Variants in ACOXL observed in about 807,000 individuals in gnomAD.
The protein encoded by ACOXL is acyl-coenzyme A oxidase-like protein.
In ACOXL, 70 loss-of-function variants were observed where a neutral mutation model predicts 71.9. That is an observed-to-expected ratio of 0.97 (90% confidence interval 0.80 to 1.19). The LOEUF (loss-of-function observed/expected upper bound fraction) is 1.19, where lower values mean the gene tolerates loss of function less well. Ranked by LOEUF, ACOXL falls within the 50% of genes most tolerant of loss-of-function variation. The pLI, the probability that ACOXL is intolerant of heterozygous loss-of-function variation, is 0.00. For synonymous variants in ACOXL, 253 were observed against 281.6 expected, an observed-to-expected ratio of 0.90 and a Z score of 1.02; for missense variants, 703 against 736.3, an observed-to-expected ratio of 0.95 and a Z score of 0.52.
intron 16 of ACOXL, among the ~76,000 whole-genome samples, chr2:111,053,139 A>T (rs2066375939): frequency 6.6e-6 from 1 of 152,226 alleles, no homozygotes; most frequent in African/African-American, 2.4e-5. Context: ...AGACCCTTCC[A>T]GCATCACACT....
At chr2:110,838,548 T>C (rs1690739517) in intron 9 of ACOXL, among the ~76,000 whole-genome samples, 1 of 152,162 alleles carries the variant, frequency 6.6e-6, no homozygotes, top group Non-Finnish European at 1.5e-5. Context: ...TTTGCTATGG[T>C]ACAGAAACCC....
intron 12 of ACOXL, among the ~76,000 whole-genome samples, chr2:110,955,132 T>C (rs1472214766): frequency 6.6e-6 from 1 of 152,222 alleles, no homozygotes; most frequent in African/African-American, 2.4e-5. Context: ...AGTACGTGGA[T>C]TTGTGTCACT....
At chr2:110,804,274 AC>A (rs1390808494) in intron 8 of ACOXL, among the ~76,000 whole-genome samples, 2 of 152,174 alleles carry the variant, frequency 1.3e-5, no homozygotes, top group Non-Finnish European at 2.9e-5. Flanking sequence ...GGCATAAGTC[AC>A]CATGCCCAAC....
chr2:110,950,591 C>A (rs545027381), intron 12 of ACOXL, among the ~76,000 whole-genome samples: 1 of 152,288 alleles, frequency 6.6e-6, no homozygotes, highest in African/African-American at 2.4e-5. Context: ...TCATTTTACT[C>A]TCCCTTGGGC....
chr2:110,973,816 C>T (rs2062323912), intron 12 of ACOXL, among the ~76,000 whole-genome samples: 1 of 152,188 alleles, frequency 6.6e-6, no homozygotes, highest in African/African-American at 2.4e-5. Flanking sequence ...AGAGCGACTA[C>T]AGTAATAGCA....
intron 2 of ACOXL, among the ~76,000 whole-genome samples, chr2:110,772,101 A>C (rs767190926): frequency 9.9e-5 from 15 of 152,210 alleles, no homozygotes; most frequent in Non-Finnish European, 2.1e-4. Flanking sequence ...AACATCCCTC[A>C]TGGCATTCCC....
intron 11 of ACOXL, among the ~76,000 whole-genome samples, chr2:110,926,112 G>A (rs904358872): frequency 1.3e-5 from 2 of 151,920 alleles, no homozygotes; most frequent in Non-Finnish European, 2.9e-5. Context: ...GCCCCAAAAC[G>A]ATTACAATAG....
chr2:110,898,940 C>T lies in ACOXL; in HGVS notation c.789-9849C>T, dbSNP rs535416347. On this transcript the variant is annotated intron_variant, in intron 10 of 17. Transcript: ENST00000439055. ...AAAAATCAATTATATTTGTATATACCGGTGATGAACATAAGGGTATCAGAA... is the reference window on the plus strand; with the variant it reads ...AAAAATCAATTATATTTGTATATACTGGTGATGAACATAAGGGTATCAGAA... Among the ~76,000 whole-genome samples the T allele has an allele frequency of 1.1e-4, 17 of 151,918 alleles. No individual in the cohort carries two copies. The East Asian group carries it at 1.4e-3, about 12-fold the overall frequency.
At chr2:110,818,407 A>ACC (rs1483695357) in intron 9 of ACOXL, among the ~76,000 whole-genome samples, 10 of 144,616 alleles carry the variant, frequency 6.9e-5, no homozygotes, top group African/African-American at 2.7e-4. Context: ...AAAAAAAAAA[A>ACC]AACATATATA....
At chr2:110,773,584 C>G (rs947337597) in intron 2 of ACOXL, among the ~76,000 whole-genome samples, 1 of 152,192 alleles carries the variant, frequency 6.6e-6, no homozygotes, top group African/African-American at 2.4e-5. Context: ...GGCTCCTGAC[C>G]GACGGACAGA....
intron 10 of ACOXL, among the ~76,000 whole-genome samples, chr2:110,900,759 G>A (rs1178773891): frequency 5.3e-5 from 8 of 152,200 alleles, no homozygotes; most frequent in Non-Finnish European, 7.4e-5. Context: ...GAACCATAGC[G>A]TGATGGGTTA....
chr2:110,952,012 G>A (rs893397628), intron 12 of ACOXL, among the ~76,000 whole-genome samples: 4 of 152,120 alleles, frequency 2.6e-5, no homozygotes, highest in African/African-American at 9.7e-5. Context: ...ACTTGAGGGT[G>A]TTTCTTATTT....
At chr2:110,797,750 A>G (rs535975537) in intron 5 of ACOXL, among the ~76,000 whole-genome samples, 9 of 152,206 alleles carry the variant, frequency 5.9e-5, no homozygotes, top group Non-Finnish European at 1.3e-4. Context: ...AAGGGCCCAG[A>G]TCGTTGGATA....
In ACOXL at chr2:110,922,076, A is replaced by AT. The variant is rs1183959032; in HGVS notation, c.906-11412dup. Among the ~76,000 whole-genome samples, 8 of 152,350 alleles carry AT rather than the reference A, an allele frequency of 5.3e-5. No homozygotes were observed. The South Asian group carries it at 1.2e-3, about 24-fold the overall frequency. On this transcript the variant is annotated intron_variant, in intron 11 of 17. Transcript: ENST00000439055. ...GCTAATTGTGATCTGCAGATCATAT[A>AT]TATCATTATTGGTTTTCTGCTTACG...
chr2:111,105,776 A>G (rs1558974432), intron 17 of ACOXL, among the ~76,000 whole-genome samples: 1 of 152,150 alleles, frequency 6.6e-6, no homozygotes, highest in Non-Finnish European at 1.5e-5. Context: ...CATATAGACA[A>G]ACATGTTATC....
chr2:110,927,350 C>T (rs1295289072), intron 11 of ACOXL, among the ~76,000 whole-genome samples: 2 of 152,172 alleles, frequency 1.3e-5, no homozygotes, highest in Non-Finnish European at 2.9e-5. Context: ...ATGGGTCAAG[C>T]TCAAGCTCCC....
At chr2:110,740,498 C>T (rs1335104341) in intron 1 of ACOXL, among the ~76,000 whole-genome samples, 6 of 152,238 alleles carry the variant, frequency 3.9e-5, no homozygotes. Context: ...TTGGCATTCT[C>T]TTCTCCCCAT....
At chr2:110,968,180 A>G in intron 12 of ACOXL, 1 of 1,162,072 alleles carries the variant, frequency 8.6e-7, no homozygotes, top group South Asian at 1.2e-5. Flanking sequence ...TTTGGCACAG[A>G]CAACATCTAT....
chr2:110,973,065 C>A lies in ACOXL; in HGVS notation c.1060-14043C>A, dbSNP rs2062283661. ...GAAATCTCAGGCTAGCAGTCTCAGG[C>A]CTTTCATGTTAACTTTATTTTGCAC... On this transcript the variant is annotated intron_variant, in intron 12 of 17. Transcript: ENST00000439055. Among the ~76,000 whole-genome samples, 3 of 152,210 alleles carry A rather than the reference C, an allele frequency of 2.0e-5. No homozygotes were observed. In the South Asian group the frequency reaches 6.2e-4, roughly 31 times the overall value.
Sources: gnomAD v4.1 joint callset for allele counts (sites outside exome capture counted in the v4.1 genomes callset) on GRCh38, gnomAD v4.1.1 for gene constraint, MANE v1.5 for transcripts, NCBI Gene and HGNC (gene_info 2026-07-23, HGNC 2026-07-21) for gene names.